AP3B1: variants seen among roughly 807,000 people sequenced by gnomAD.
AP3B1 encodes the protein AP-3 complex subunit beta-1.
Under a neutral mutation model 132.5 loss-of-function variants are expected in AP3B1, and 61 were observed. That is an observed-to-expected ratio of 0.46 (90% confidence interval 0.37 to 0.57). AP3B1 has a LOEUF of 0.57. Ranked by LOEUF, AP3B1 falls within the 20% of genes least tolerant of loss-of-function variation. The probability of loss-of-function intolerance (pLI) is 0.00; values close to 1 mark genes in which losing one functional copy is unlikely to be tolerated. For missense variants in AP3B1, 1,120 were observed against 1,289.4 expected (o/e 0.87, Z 2.01); for synonymous variants, 388 against 438.3 (o/e 0.89, Z 1.43).
In AP3B1 at chr5:78,227,466, C is replaced by T; in HGVS notation, c.442G>A (p.Val148Ile). ...TTAATAGCAAGCATCATGATAGGTA[C>T]AATAATTGGCACTCTAATACTTGAC... is the stretch of plus-strand genomic sequence containing the variant. ...VLSSIRVPIIVPIMMLAIKEA... is the reference protein window; with the variant it reads ...VLSSIRVPIIIPIMMLAIKEA... The change falls in exon 5 of 27, where the codon GTA (valine) becomes ATA (isoleucine). Residue 148 changes from valine to isoleucine, a missense_variant. Coordinates refer to ENST00000255194, the MANE Select transcript of AP3B1 (RefSeq NM_003664.5). 6.2e-7 allele frequency: 1 copy of T among 1,613,682 alleles called. No individual in the cohort carries two copies.
chr5:78,168,013 G>GAAAAAAAA (rs149936824), intron 11 of AP3B1, among the ~76,000 whole-genome samples: 2 of 110,794 alleles, frequency 1.8e-5, no homozygotes, highest in East Asian at 3.0e-4. Context: ...AAAACCTACT[G>GAAAAAAAA]AAAAAAAAAA....
At chr5:78,107,238 T>C (rs1044054027) in intron 20 of AP3B1, among the ~76,000 whole-genome samples, 1 of 152,088 alleles carries the variant, frequency 6.6e-6, no homozygotes, top group African/African-American at 2.4e-5. Flanking sequence ...AGTAGGGGAA[T>C]AGTCATAAAA....
At chr5:78,166,632 A>G (rs1487928680) in intron 11 of AP3B1, among the ~76,000 whole-genome samples, 1 of 152,218 alleles carries the variant, frequency 6.6e-6, no homozygotes, top group Non-Finnish European at 1.5e-5. Flanking sequence ...AGACAAACAG[A>G]AGCAAATCAA....
intron 1 of AP3B1, among the ~76,000 whole-genome samples, chr5:78,283,036 T>C (rs1207693802): frequency 1.3e-5 from 2 of 152,114 alleles, no homozygotes; most frequent in African/African-American, 4.8e-5. Context: ...AACAAAACTT[T>C]AAATGACTTT....
At chr5:78,086,538 C>T (rs1013557415) in intron 22 of AP3B1, among the ~76,000 whole-genome samples, 3 of 152,134 alleles carry the variant, frequency 2.0e-5, no homozygotes, top group African/African-American at 7.2e-5. Flanking sequence ...TGGTCTGAAT[C>T]AAGAGCCTGT....
intron 7 of AP3B1, among the ~76,000 whole-genome samples, chr5:78,183,798 C>A (rs1227341278): frequency 7.0e-6 from 1 of 142,546 alleles, no homozygotes; most frequent in East Asian, 2.2e-4. Flanking sequence ...GCTCATGAGG[C>A]GGAGGTTGCA....
intron 13 of AP3B1, among the ~76,000 whole-genome samples, chr5:78,160,748 AAGGGGCTCT>A (rs1163572516): frequency 6.6e-6 from 1 of 152,012 alleles, no homozygotes; most frequent in African/African-American, 2.4e-5. Context: ...TACAAAGAGG[AAGGGGCTCT>A]ATTGTCAGGG....
intron 1 of AP3B1, among the ~76,000 whole-genome samples, chr5:78,277,452 G>A (rs1022108869): frequency 5.3e-5 from 8 of 151,968 alleles, no homozygotes; most frequent in African/African-American, 1.9e-4. Flanking sequence ...AAAGCAGGGA[G>A]GAACAAAAAC....
chr5:78,152,171 G>A (rs1048014928), intron 14 of AP3B1, among the ~76,000 whole-genome samples: 11 of 134,920 alleles, frequency 8.2e-5, no homozygotes, highest in Admixed American at 2.3e-4. Flanking sequence ...GTTTGGTTTC[G>A]GTATCAGGGT....
chr5:78,013,888 G>C (rs1746730918), intron 26 of AP3B1, among the ~76,000 whole-genome samples: 1 of 152,164 alleles, frequency 6.6e-6, no homozygotes, highest in African/African-American at 2.4e-5. Flanking sequence ...AAGACACCGG[G>C]CGCGGTGGCT....
At chr5:78,225,643 C>T (rs1049704251) in intron 5 of AP3B1, 35 bp from the exon 6 acceptor site, 10 of 1,369,162 alleles carry the variant, frequency 7.3e-6, no homozygotes, top group Non-Finnish European at 1.0e-5. Context: ...TAATTTTTCC[C>T]TTTAATTCTA....
intron 7 of AP3B1, among the ~76,000 whole-genome samples, chr5:78,213,967 G>A (rs1025972134): frequency 4.6e-5 from 7 of 152,150 alleles, no homozygotes; most frequent in African/African-American, 1.7e-4. Flanking sequence ...TGAAACAGTG[G>A]CAAAAGCCCA....
Position 78,087,551 on chromosome 5 carries a change from C to T in AP3B1, c.2577+1842G>A, listed in dbSNP as rs546402156. On this transcript the variant is annotated intron_variant, in intron 22 of 26. Transcript: ENST00000255194. ...CTTCTGGTTGTCATTCTTTTTAGCGCTACTTGTTTGATCATTTTGTTAGCT... is the reference window on the plus strand; with the variant it reads ...CTTCTGGTTGTCATTCTTTTTAGCGTTACTTGTTTGATCATTTTGTTAGCT... 4.9e-5 allele frequency: 48 copies of T among 985,310 alleles called. No individual in the cohort carries two copies. The South Asian group carries it at 2.1e-3, about 43-fold the overall frequency. The allele number at this position is 985,310 out of a possible 1,614,324, so 61.0% of individuals were successfully genotyped here. A position where few individuals can be genotyped will look rare whatever the true frequency, so the allele number is the denominator to read the frequency against.
intron 3 of AP3B1, among the ~76,000 whole-genome samples, chr5:78,238,655 T>C (rs575883759): frequency 3.9e-5 from 6 of 151,992 alleles, no homozygotes; most frequent in Middle Eastern, 3.4e-3. Context: ...ATTATAATCA[T>C]ATGGGACCAC....
chr5:78,294,361 C>A (rs114581623), intron 1 of AP3B1, 91 bp downstream of exon 1: 18 of 1,594,024 alleles, frequency 1.1e-5, no homozygotes, highest in Non-Finnish European at 1.5e-5. Flanking sequence ...AGGGCGACCC[C>A]GCTCCTCTCC....
At chr5:78,280,545 T>C (rs1387440527) in intron 1 of AP3B1, among the ~76,000 whole-genome samples, 1 of 152,222 alleles carries the variant, frequency 6.6e-6, no homozygotes, top group African/African-American at 2.4e-5. Context: ...AATCCGTTTG[T>C]GCATCAAGTT....
intron 15 of AP3B1, among the ~76,000 whole-genome samples, chr5:78,135,623 T>C (rs1752880885): frequency 6.6e-6 from 1 of 152,220 alleles, no homozygotes; most frequent in Non-Finnish European, 1.5e-5. Context: ...TATGTATTTA[T>C]GCTATTATGT....
chr5:78,269,613 C>T (rs1748467629), intron 1 of AP3B1, among the ~76,000 whole-genome samples: 1 of 152,166 alleles, frequency 6.6e-6, no homozygotes, highest in Non-Finnish European at 1.5e-5. Context: ...TCTACTCCTT[C>T]TAAAGACAAC....
chr5:78,109,230 T>A (rs1751472354), intron 20 of AP3B1, among the ~76,000 whole-genome samples: 1 of 152,146 alleles, frequency 6.6e-6, no homozygotes, highest in Non-Finnish European at 1.5e-5. Flanking sequence ...TAGGTTTTAA[T>A]ATATGCAAGA....
Sources: gnomAD v4.1 joint callset for allele counts (sites outside exome capture counted in the v4.1 genomes callset) on GRCh38, gnomAD v4.1.1 for gene constraint, MANE v1.5 for transcripts, NCBI Gene and HGNC (gene_info 2026-07-23, HGNC 2026-07-21) for gene names.